Variants in MBTD1 observed in about 807,000 individuals in gnomAD.
MBTD1 encodes the protein MBT domain-containing protein 1.
A neutral mutation model predicts 87.8 loss-of-function variants in MBTD1; 24 were observed. That is an observed-to-expected ratio of 0.27 (90% CI 0.20 to 0.38). MBTD1 has a LOEUF of 0.38. MBTD1 is among the 10% of genes least tolerant of loss of function. The pLI is 1.00. For missense variants in MBTD1, 436 were observed against 760.2 expected (o/e 0.57, Z 5.02); for synonymous variants, 237 against 248.6 (o/e 0.95, Z 0.44).
chr17:51,190,770 T>TATATATAAAA (rs1360538089), intron 16 of MBTD1, among the ~76,000 whole-genome samples: 1 of 111,944 alleles, frequency 8.9e-6, no homozygotes, highest in African/African-American at 3.7e-5. Flanking sequence ...TATATATATA[T>TATATATAAAA]AACCTTATCT....
At position 51,253,908 on chromosome 17, in the gene MBTD1, C is replaced by T. The variant is rs543500677; in HGVS notation, c.-49+5235G>A. 2.0e-5 allele frequency among the ~76,000 whole-genome samples: 3 copies of T among 152,164 alleles called. No homozygotes were observed. In the East Asian group the frequency reaches 5.8e-4, roughly 29 times the overall value. On this transcript the variant is annotated intron_variant, in intron 2 of 16. Transcript: ENST00000586178. Reference sequence around the variant, plus strand: ...AACTAAACATCTCTGGGAGAAATGACAGAAAACACTTGAAATCTTAAATGC... The same window carrying T: ...AACTAAACATCTCTGGGAGAAATGATAGAAAACACTTGAAATCTTAAATGC...
chr17:51,217,020 G>A (rs1339022119), intron 6 of MBTD1, among the ~76,000 whole-genome samples: 1 of 152,010 alleles, frequency 6.6e-6, no homozygotes, highest in African/African-American at 2.4e-5. Flanking sequence ...GGGCAACACA[G>A]CGAGACCATG....
chr17:51,218,523 T>G (rs2143578583), intron 5 of MBTD1, among the ~76,000 whole-genome samples: 1 of 113,242 alleles, frequency 8.8e-6, no homozygotes, highest in East Asian at 2.7e-4. Context: ...AGCAAGACTC[T>G]GTCTCCAAAA....
chr17:51,245,622 C>T (rs2054392749), intron 2 of MBTD1, among the ~76,000 whole-genome samples: 1 of 151,764 alleles, frequency 6.6e-6, no homozygotes, highest in African/African-American at 2.4e-5. Context: ...ATCAAAATGT[C>T]CATCTTTATC....
At chr17:51,202,486 A>G (rs2051548995) in intron 10 of MBTD1, among the ~76,000 whole-genome samples, 1 of 152,254 alleles carries the variant, frequency 6.6e-6, no homozygotes, top group Non-Finnish European at 1.5e-5. Flanking sequence ...TGTGACCAGA[A>G]GAAGTTCCTT....
chr17:51,177,777 T>C lies in MBTD1; in HGVS notation c.*2799A>G, dbSNP rs1267423565. 1 of 152,216 alleles carries C rather than the reference T, an allele frequency of 6.6e-6. No homozygotes were observed. Among genetic ancestry groups the C allele is most frequent in the Non-Finnish European group, 1.5e-5 (1 of 68,038 alleles). The allele number at this position is 152,216 out of a possible 1,614,324, so 9.4% of individuals were successfully genotyped here. ...AGATTTGCCCAGGGACAGATGCTTT[T>C]CTTTTGTATAAATGACTGTGGCTTT... On this transcript the variant is annotated 3_prime_UTR_variant, in exon 17 of 17. Transcript: ENST00000586178.
chr17:51,180,838 G>A, intron 16 of MBTD1, 144 bp from the exon 17 acceptor site: 1 of 648,598 alleles, frequency 1.5e-6, no homozygotes, highest in Non-Finnish European at 2.7e-6. Context: ...TATATTAGCA[G>A]TTAAGAAACA....
At chr17:51,228,389 TA>T (rs1034183745) in intron 2 of MBTD1, among the ~76,000 whole-genome samples, 1 of 150,120 alleles carries the variant, frequency 6.7e-6, no homozygotes, top group Non-Finnish European at 1.5e-5. Flanking sequence ...ATAGAAGTAT[TA>T]AAAAAATTTC....
At chr17:51,191,421 C>G (rs1372274971) in intron 16 of MBTD1, among the ~76,000 whole-genome samples, 1 of 151,638 alleles carries the variant, frequency 6.6e-6, no homozygotes, top group Non-Finnish European at 1.5e-5. Flanking sequence ...ACCACCACAC[C>G]CGGCTAATTT....
At chr17:51,202,267 T>C (rs1459274161) in intron 10 of MBTD1, among the ~76,000 whole-genome samples, 190 bp from the exon 11 acceptor site, 1 of 152,228 alleles carries the variant, frequency 6.6e-6, no homozygotes, top group Non-Finnish European at 1.5e-5. Context: ...ATATATGCTT[T>C]TAAATACATT....
intron 2 of MBTD1, among the ~76,000 whole-genome samples, chr17:51,258,800 T>G (rs1175239742): frequency 6.6e-6 from 1 of 152,222 alleles, no homozygotes; most frequent in Non-Finnish European, 1.5e-5. Flanking sequence ...TTCTTTAGCT[T>G]CCTGTAGAAA....
intron 2 of MBTD1, among the ~76,000 whole-genome samples, chr17:51,237,155 G>C (rs1032369417): frequency 7.9e-5 from 12 of 151,936 alleles, no homozygotes; most frequent in Non-Finnish European, 2.9e-5. Context: ...AATTAGCTGG[G>C]CATGATGGCA....
intron 16 of MBTD1, among the ~76,000 whole-genome samples, chr17:51,181,054 ACT>A (rs2050286957): frequency 1.5e-5 from 2 of 132,496 alleles, no homozygotes; most frequent in South Asian, 4.6e-4. Flanking sequence ...ATGGAGTCTC[ACT>A]CTGTCATCAG....
rs952644397 is a variant in MBTD1 at position 51,225,165 on chromosome 17, G to C, written c.-4C>G. ...AGCTATCATAACCGTCAAACATCCC[G>C]AAAGAATCTCTTCTTTTCCTTTCAG... On this transcript the variant is annotated 5_prime_UTR_variant, in exon 3 of 17. Transcript: ENST00000586178. 5 of 1,540,312 alleles carry C rather than the reference G, an allele frequency of 3.2e-6. No individual in the cohort carries two copies. The highest frequency in any genetic ancestry group is 4.4e-6 in the Non-Finnish European group (5 of 1,143,016).
intron 9 of MBTD1, 22 bp from the exon 10 acceptor site, chr17:51,202,957 C>A: frequency 6.4e-7 from 1 of 1,570,716 alleles, no homozygotes; most frequent in South Asian, 1.1e-5. Context: ...ACAAAAAAAA[C>A]TGCTCGAAAT....
intron 2 of MBTD1, among the ~76,000 whole-genome samples, chr17:51,234,352 C>T (rs184460584): frequency 1.8e-3 from 258 of 144,190 alleles, no homozygotes; most frequent in Middle Eastern, 3.6e-3. Flanking sequence ...GAGATTGCAC[C>T]ACTGCACTCC....
At chr17:51,180,810 T>C in intron 16 of MBTD1, 116 bp from the exon 17 acceptor site, 1 of 668,470 alleles carries the variant, frequency 1.5e-6, no homozygotes, top group South Asian at 1.7e-5. Flanking sequence ...ATTTCTTCAG[T>C]TAATTTTAAT....
Position 51,259,157 on chromosome 17 carries a change from G to T in MBTD1, c.-63C>A. ...AGACTACCTACCACTTGTCAGAGAG[G>T]CTGCAGAGGGGACGGCTGCTTTGGA... On this transcript the variant is annotated 5_prime_UTR_variant, in exon 2 of 17. Coordinates refer to ENST00000586178, the MANE Select transcript of MBTD1 (RefSeq NM_017643.3). 2 of 761,078 alleles carry T rather than the reference G, an allele frequency of 2.6e-6. No individual in the cohort carries two copies. The highest frequency in any genetic ancestry group is 3.6e-6 in the Non-Finnish European group (2 of 557,442). 47.1% of individuals were successfully genotyped at this position (761,078 alleles called of 1,614,324 possible). A position where few individuals can be genotyped will look rare whatever the true frequency, so the allele number is the denominator to read the frequency against.
intron 12 of MBTD1, among the ~76,000 whole-genome samples, chr17:51,196,345 T>C (rs1247179900): frequency 6.6e-6 from 1 of 150,700 alleles, no homozygotes; most frequent in East Asian, 2.0e-4. Context: ...TGCCTCAGCC[T>C]CCCAAGTAGC....
Sources: gnomAD v4.1 joint callset for allele counts (sites outside exome capture counted in the v4.1 genomes callset) on GRCh38, gnomAD v4.1.1 for gene constraint, MANE v1.5 for transcripts, NCBI Gene and HGNC (gene_info 2026-07-23, HGNC 2026-07-21) for gene names.